Variants in GAPDHS observed in about 807,000 individuals in gnomAD.
GAPDHS encodes the protein glyceraldehyde-3-phosphate dehydrogenase, spermatogenic.
Under a neutral mutation model 48.7 loss-of-function variants are expected in GAPDHS, and 42 were observed. The observed-to-expected ratio is 0.86, with a 90% CI of 0.67 to 1.12. The LOEUF (loss-of-function observed/expected upper bound fraction) is 1.12, where lower values mean the gene tolerates loss of function less well. GAPDHS is among the 50% of genes most tolerant of loss of function. The probability of loss-of-function intolerance (pLI) is 0.00; values close to 1 mark genes in which losing one functional copy is unlikely to be tolerated. For missense variants in GAPDHS, 512 were observed against 557.7 expected (o/e 0.92, Z 0.82); for synonymous variants, 166 against 219.1 (o/e 0.76, Z 2.14).
rs139240125 is a variant in GAPDHS at position 35,543,941 on chromosome 19, G to A, written c.1056+114G>A. 9.0e-3 allele frequency: 12,889 copies of A among 1,433,526 alleles called. 62 individuals are homozygous for A. The highest frequency in any genetic ancestry group is 0.01 in the Non-Finnish European group (11,456 of 1,097,822). 88.8% of individuals were successfully genotyped at this position (1,433,526 alleles called of 1,614,324 possible). A position where few individuals can be genotyped will look rare whatever the true frequency, so the allele number is the denominator to read the frequency against. On this transcript the variant is annotated intron_variant, in intron 9 of 10. Coordinates refer to ENST00000222286, the MANE Select transcript of GAPDHS (RefSeq NM_014364.5). ...AGTCAGAAACTGCAGGGCAGGAAGG[G>A]AGATCTCCCTGCCTCAGGGCCTTTG...
Position 35,545,216 on chromosome 19 carries a change from A to G in GAPDHS, c.*46A>G. On this transcript the variant is annotated 3_prime_UTR_variant, in exon 11 of 11. Transcript: ENST00000222286. ...CCTTCCCAGGGGCCGGGGCCGGAACATGTGCCTCCCGTTCCAGCATCTGGC... is the reference window on the plus strand; with the variant it reads ...CCTTCCCAGGGGCCGGGGCCGGAACGTGTGCCTCCCGTTCCAGCATCTGGC... The G allele has an allele frequency of 2.0e-6, 3 of 1,508,034 alleles. No individual in the cohort carries two copies. The highest frequency in any genetic ancestry group is 2.3e-5 in the East Asian group (1 of 44,392). 93.4% of individuals were successfully genotyped at this position (1,508,034 alleles called of 1,614,324 possible). A position where few individuals can be genotyped will look rare whatever the true frequency, so the allele number is the denominator to read the frequency against.
chr19:35,535,668 T>C (rs2071461113), intron 1 of GAPDHS, among the ~76,000 whole-genome samples: 1 of 152,016 alleles, frequency 6.6e-6, no homozygotes. Context: ...ATTACAGGCG[T>C]GAGCCACCGC....
chr19:35,533,688 C>T, intron 1 of GAPDHS, 94 bp downstream of exon 1: 1 of 954,622 alleles, frequency 1.0e-6, no homozygotes, highest in Non-Finnish European at 1.6e-6. Flanking sequence ...TACCGCCCTT[C>T]CTGGCGTGTG....
At chr19:35,542,657 C>A in intron 6 of GAPDHS, 49 bp downstream of exon 6, 2 of 1,225,152 alleles carry the variant, frequency 1.6e-6, no homozygotes, top group Non-Finnish European at 2.4e-6. Flanking sequence ...AGGGTAGACT[C>A]GTCCTCCCCA....
chr19:35,544,637 T>C, intron 9 of GAPDHS: 1 of 489,470 alleles, frequency 2.0e-6, no homozygotes, highest in Non-Finnish European at 3.7e-6. Context: ...TGCTGGCCCA[T>C]TCCAAACGCT....
chr19:35,535,855 C>T (rs1340754979), intron 1 of GAPDHS, among the ~76,000 whole-genome samples: 3 of 151,720 alleles, frequency 2.0e-5, no homozygotes, highest in South Asian at 2.1e-4. Flanking sequence ...CTGCACCCTC[C>T]GCCTCCCAGG....
chr19:35,543,170 T>A (rs1600134330), intron 7 of GAPDHS, 144 bp downstream of exon 7: 1 of 982,116 alleles, frequency 1.0e-6, no homozygotes, highest in East Asian at 2.5e-5. Context: ...CTTAAAACAC[T>A]GTGCAACCCT....
Position 35,542,981 on chromosome 19 carries a change from C to T in GAPDHS, c.696C>T (p.Leu232=), listed in dbSNP as rs1050067164. ...GCACCACCAACTGTTTGGCTCCCCT[C>T]GCCAAAGTCATCCACGAGCGATTTG... ...ASCTTNCLAP[L]AKVIHERFGI... is the part of the protein sequence containing the mutation. Residue 232 remains leucine, a synonymous_variant, in exon 7 of 11, where the codon CTC becomes CTT. Coordinates refer to ENST00000222286, the MANE Select transcript of GAPDHS (RefSeq NM_014364.5). 2.0e-5 allele frequency: 32 copies of T among 1,613,920 alleles called. No homozygotes were observed. In the African/African-American group the frequency reaches 2.3e-4, roughly 11 times the overall value.
chr19:35,538,322 T>C lies in GAPDHS; in HGVS notation c.261T>C (p.Gly87=), dbSNP rs1860050243. ...CCCTGGCCAGATTTGGACGCATCGG[T>C]CGCCTGGTCCTGCGCGCCTGCATGG... ...TVGINGFGRI[G]RLVLRACMEK... Residue 87 remains glycine (G), a synonymous_variant, in exon 3 of 11, where the codon GGT becomes GGC. Transcript: ENST00000222286. 6.2e-7 allele frequency: 1 copy of C among 1,613,206 alleles called. No homozygotes were observed. Among genetic ancestry groups the C allele is most frequent in the Admixed American group, 1.7e-5 (1 of 59,968 alleles).
chr19:35,543,563 C>A, intron 8 of GAPDHS, 72 bp downstream of exon 8: 1 of 1,573,986 alleles, frequency 6.4e-7, no homozygotes. Flanking sequence ...GGCCCTCAGT[C>A]CTTAAGAGGA....
At position 35,533,519 on chromosome 19, in the gene GAPDHS, T is replaced by C; in HGVS notation, c.-9T>C. The C allele has an allele frequency of 6.2e-7, 1 of 1,612,970 alleles. No homozygotes were observed. ...CAGGTCCAGGCCAATGATAACCTTA[T>C]AAGAGGCCATGTCGAAGCGCGACAT... On this transcript the variant is annotated 5_prime_UTR_variant, in exon 1 of 11. The change abolishes the stop of an existing upstream ORF in the 5' untranslated region. Transcript: ENST00000222286.
At chr19:35,533,684 C>T (rs1306112281) in intron 1 of GAPDHS, 90 bp downstream of exon 1, 1 of 1,005,764 alleles carries the variant, frequency 9.9e-7, no homozygotes, top group Non-Finnish European at 1.5e-6. Flanking sequence ...TCCCTACCGC[C>T]CTTCCTGGCG....
chr19:35,543,383 G>A lies in GAPDHS; in HGVS notation c.785G>A (p.Gly262Glu), dbSNP rs1331892841. 11 of 1,612,806 alleles carry A rather than the reference G, an allele frequency of 6.8e-6. No individual in the cohort carries two copies. The highest frequency in any genetic ancestry group is 9.3e-6 in the Non-Finnish European group (11 of 1,179,610). The change falls in exon 8 of 11, where the codon GGG (glycine) becomes GAG (glutamate). Residue 262 changes from glycine (G) to glutamate (E), a missense_variant. Coordinates refer to ENST00000222286, the MANE Select transcript of GAPDHS (RefSeq NM_014364.5). Reference sequence around the variant, plus strand: ...ACGGCCACCCAGAAGACAGTGGACGGGCCATCAAGGAAGGCCTGGCGAGAT... The same window carrying A: ...ACGGCCACCCAGAAGACAGTGGACGAGCCATCAAGGAAGGCCTGGCGAGAT... The part of the protein sequence containing the change: ...SYTATQKTVD[G>E]PSRKAWRDGR...
In GAPDHS at chr19:35,542,417, G is replaced by C. The variant is rs373025306; in HGVS notation, c.540+8G>C. On this transcript the variant is annotated splice_region_variant and intron_variant, in intron 5 of 10. Coordinates refer to ENST00000222286, the MANE Select transcript of GAPDHS (RefSeq NM_014364.5). ...TCCATACAGGCAGCTTCGGTAAGCTGGGGAGAGGTGCCCAGGGCTAGCTGG... is the reference window on the plus strand; with the variant it reads ...TCCATACAGGCAGCTTCGGTAAGCTCGGGAGAGGTGCCCAGGGCTAGCTGG... 1 of 1,608,362 alleles carries C rather than the reference G, an allele frequency of 6.2e-7. No homozygotes were observed. The highest frequency in any genetic ancestry group is 1.3e-5 in the African/African-American group (1 of 74,758).
intron 1 of GAPDHS, among the ~76,000 whole-genome samples, chr19:35,536,378 G>A (rs1044522398): frequency 1.5e-4 from 23 of 151,856 alleles, no homozygotes; most frequent in African/African-American, 5.1e-4. Flanking sequence ...TCAGGAGTTC[G>A]AGACCAGCCT....
chr19:35,534,329 G>A (rs1318359654), intron 1 of GAPDHS, among the ~76,000 whole-genome samples: 1 of 152,170 alleles, frequency 6.6e-6, no homozygotes, highest in Non-Finnish European at 1.5e-5. Context: ...CTGGGGCTTT[G>A]GTCCAGGAGA....
intron 4 of GAPDHS, among the ~76,000 whole-genome samples, chr19:35,539,408 T>C (rs1271109841): frequency 1.3e-5 from 2 of 152,210 alleles, no homozygotes; most frequent in Admixed American, 6.5e-5. Flanking sequence ...AGTTTTACTT[T>C]AGAATGCCCT....
chr19:35,536,508 G>C (rs1016464630), intron 1 of GAPDHS, among the ~76,000 whole-genome samples: 60 of 151,906 alleles, frequency 3.9e-4, no homozygotes, highest in African/African-American at 1.4e-3. Flanking sequence ...CCCAGGAGGC[G>C]GAGGTTGCAG....
At position 35,536,048 on chromosome 19, in the gene GAPDHS, G is replaced by A. The variant is rs1052145019; in HGVS notation, c.68-765G>A. 3.9e-5 allele frequency among the ~76,000 whole-genome samples: 6 copies of A among 151,952 alleles called. No individual in the cohort carries two copies. The East Asian group carries it at 7.8e-4, about 20-fold the overall frequency. On this transcript the variant is annotated intron_variant, in intron 1 of 10. Transcript: ENST00000222286. Reference sequence around the variant, plus strand: ...AGCCACCACGCCTGGCCACTCCGACGACTCCTATCATGGAACAGTTTGGGG... The same window carrying A: ...AGCCACCACGCCTGGCCACTCCGACAACTCCTATCATGGAACAGTTTGGGG...
Sources: gnomAD v4.1 joint callset for allele counts (sites outside exome capture counted in the v4.1 genomes callset) on GRCh38, gnomAD v4.1.1 for gene constraint, MANE v1.5 for transcripts, NCBI Gene and HGNC (gene_info 2026-07-23, HGNC 2026-07-21) for gene names.